Variants in ABCB7 observed in about 807,000 individuals in gnomAD.
ABCB7 encodes the protein ATP binding cassette subfamily B member 7.
In ABCB7, 7 loss-of-function variants were observed where a neutral mutation model predicts 54.4. The ratio of observed to expected loss-of-function variants is 0.13; its 90% CI spans 0.07 to 0.24. The LOEUF is 0.24. Among genes scored for constraint, ABCB7 ranks in the 10% least tolerant of loss-of-function variants. The probability of loss-of-function intolerance (pLI) is 1.00; values close to 1 mark genes in which losing one functional copy is unlikely to be tolerated. For missense variants in ABCB7, 356 were observed against 570.4 expected (o/e 0.62, Z 3.83); for synonymous variants, 218 against 207.1 (o/e 1.05, Z -0.45).
Position 75,107,085 on chromosome X carries a change from G to A in ABCB7, c.333+5801C>T, listed in dbSNP as rs1173958920. On this transcript the variant is annotated intron_variant, in intron 3 of 15. Transcript: ENST00000373394. ...AGCGGGAGAGCACCGCAACTGTGAG[G>A]TGCTGAACTCAGTGCTGTCCTGTTA... is the stretch of plus-strand genomic sequence containing the variant. Among the ~76,000 whole-genome samples the A allele has an allele frequency of 2.7e-5, 3 of 111,078 alleles. No homozygotes were observed. The Admixed American group carries it at 2.9e-4, about 11-fold the overall frequency.
chrX:75,105,960 A>G (rs2081696870), intron 3 of ABCB7, among the ~76,000 whole-genome samples: 1 of 111,620 alleles, frequency 9.0e-6, no homozygotes, highest in South Asian at 3.7e-4. Context: ...CACTGGACCC[A>G]TATCTCTCAC....
chrX:75,079,050 G>A (rs998549266), intron 4 of ABCB7, among the ~76,000 whole-genome samples: 1 of 111,554 alleles, frequency 9.0e-6, no homozygotes, highest in Non-Finnish European at 1.9e-5. Flanking sequence ...AGTGAATGAC[G>A]CCTAAAACTA....
chrX:75,147,891 G>T (rs993592386), intron 1 of ABCB7, among the ~76,000 whole-genome samples: 3 of 112,026 alleles, frequency 2.7e-5, no homozygotes, highest in African/African-American at 9.8e-5. Context: ...CGAGGTGGGC[G>T]GATCACCTGA....
chrX:75,127,716 A>C (rs1341285072), intron 1 of ABCB7, among the ~76,000 whole-genome samples: 1 of 112,380 alleles, frequency 8.9e-6, no homozygotes, highest in Middle Eastern at 4.2e-3. Flanking sequence ...GCAAAGTCAC[A>C]GGATACAAAA....
chrX:75,064,471 T>C (rs184108952), intron 13 of ABCB7, among the ~76,000 whole-genome samples: 5 of 111,192 alleles, frequency 4.5e-5, no homozygotes, highest in Middle Eastern at 4.7e-3. Context: ...AAAAAAAAAA[T>C]CAGTCATTTT....
At chrX:75,132,540 G>A (rs1018999669) in intron 1 of ABCB7, among the ~76,000 whole-genome samples, 1 of 112,467 alleles carries the variant, frequency 8.9e-6, no homozygotes, top group Non-Finnish European at 1.9e-5. Flanking sequence ...GTGGAGCACA[G>A]CTCAGGAGTG....
intron 1 of ABCB7, among the ~76,000 whole-genome samples, chrX:75,152,302 C>T (rs1319680135): frequency 9.0e-6 from 1 of 111,444 alleles, no homozygotes; most frequent in Non-Finnish European, 1.9e-5. Flanking sequence ...GTAGAGCTCT[C>T]ATAAACAGGA....
Position 75,096,350 on chromosome X carries a change from G to A in ABCB7, c.453+2592C>T, listed in dbSNP as rs141903826. ...TTTCCCAAGAATGGGTGAGATCCCC[G>A]GGAGAGTACTCAACAGAGATTACAG... is the stretch of plus-strand genomic sequence containing the variant. On this transcript the variant is annotated intron_variant, in intron 4 of 15. Coordinates refer to ENST00000373394, the MANE Select transcript of ABCB7 (RefSeq NM_001271696.3). 6.7e-3 allele frequency among the ~76,000 whole-genome samples: 754 copies of A among 111,729 alleles called. 14 individuals are homozygous for A. In the East Asian group the frequency reaches 0.11, roughly 16 times the overall value.
Position 75,070,437 on chromosome X carries a change from A to G in ABCB7, c.1293T>C (p.Tyr431=). The G allele has an allele frequency of 8.3e-7, 1 of 1,210,319 alleles. No homozygotes were observed. The highest frequency in any genetic ancestry group is 1.1e-6 in the Non-Finnish European group (1 of 894,388). ...SLPLNFLGTV[Y]RETRQALIDM... is the part of the protein sequence containing the mutation. Reference sequence around the variant, plus strand: ...CTATGAGTGCTTGTCTAGTCTCTCTATATACAGTTCCCAGAAAGTTCAGGG... The same window carrying G: ...CTATGAGTGCTTGTCTAGTCTCTCTGTATACAGTTCCCAGAAAGTTCAGGG... Residue 431 remains tyrosine (Y), a synonymous_variant, in exon 10 of 16, where the codon TAT becomes TAC. Coordinates refer to ENST00000373394, the MANE Select transcript of ABCB7 (RefSeq NM_001271696.3).
At chrX:75,079,152 C>T (rs2081434728) in intron 4 of ABCB7, among the ~76,000 whole-genome samples, 1 of 111,906 alleles carries the variant, frequency 8.9e-6, no homozygotes. Flanking sequence ...GTGTTCAGGA[C>T]GTGTGAGTGT....
chrX:75,094,024 A>G (rs1450906429), intron 4 of ABCB7, among the ~76,000 whole-genome samples: 4 of 24,790 alleles, frequency 1.6e-4, no homozygotes, highest in Non-Finnish European at 1.3e-3. Context: ...ATATACATAT[A>G]TATATATATA....
At position 75,156,122 on chromosome X, in the gene ABCB7, T is replaced by A; in HGVS notation, c.151A>T (p.Thr51Ser). 5.0e-6 allele frequency: 6 copies of A among 1,209,946 alleles called. No individual in the cohort carries two copies. Among genetic ancestry groups the A allele is most frequent in the Non-Finnish European group, 6.7e-6 (6 of 894,726 alleles). ...CATCTCACCTGGTAGGCTCGAGCGG[T>A]TCCCAAGGCGCCGAGTTGATGTGGC... Reference protein sequence around the residue: ...WRPHQLGALGTARAYQIPESL... With the variant: ...WRPHQLGALGSARAYQIPESL... The change falls in exon 1 of 16, where the codon ACC becomes TCC. Residue 51 changes from threonine (T) to serine (S), a missense_variant. Physicochemically the swap from Thr to Ser is moderately conservative, Grantham distance 58. Transcript: ENST00000373394.
intron 1 of ABCB7, among the ~76,000 whole-genome samples, chrX:75,151,557 T>C (rs1025034126): frequency 1.2e-4 from 13 of 112,018 alleles, no homozygotes; most frequent in African/African-American, 3.9e-4. Flanking sequence ...TAAAAATTCA[T>C]GTGAACATAA....
At chrX:75,084,749 C>A (rs1225161589) in intron 4 of ABCB7, among the ~76,000 whole-genome samples, 1 of 111,813 alleles carries the variant, frequency 8.9e-6, no homozygotes, top group Non-Finnish European at 1.9e-5. Flanking sequence ...GGTTTCATAT[C>A]AGAATATATA....
At chrX:75,101,514 A>C (rs2081639586) in intron 3 of ABCB7, among the ~76,000 whole-genome samples, 1 of 111,425 alleles carries the variant, frequency 9.0e-6, no homozygotes, top group African/African-American at 3.3e-5. Context: ...AAATGCTGAA[A>C]GTATAGTTCT....
intron 1 of ABCB7, among the ~76,000 whole-genome samples, chrX:75,119,027 T>C (rs1243168976): frequency 8.9e-6 from 1 of 112,405 alleles, no homozygotes; most frequent in Non-Finnish European, 1.9e-5. Flanking sequence ...TCTGCGTATT[T>C]ATATTTGTTG....
At position 75,149,741 on chromosome X, in the gene ABCB7, AGAG is replaced by A. The variant is rs528595389; in HGVS notation, c.168+6361_168+6363del. Among the ~76,000 whole-genome samples the A allele has an allele frequency of 6.7e-4, 75 of 111,639 alleles. 1 individual carries two copies. The highest frequency in any genetic ancestry group is 2.3e-3 in the African/African-American group (72 of 30,768). On this transcript the variant is annotated intron_variant, in intron 1 of 15. Coordinates refer to ENST00000373394, the MANE Select transcript of ABCB7 (RefSeq NM_001271696.3). ...GTAGGAAAAAGTGTTGTAGGAGTTCAGAGGAGGGAGAAATCAAAGTCTTATTAG... is the reference window on the plus strand; with the variant it reads ...GTAGGAAAAAGTGTTGTAGGAGTTCAGAGGGAGAAATCAAAGTCTTATTAG...
At chrX:75,139,889 T>C (rs747084569) in intron 1 of ABCB7, among the ~76,000 whole-genome samples, 11 of 111,949 alleles carry the variant, frequency 9.8e-5, no homozygotes, top group African/African-American at 1.9e-4. Context: ...CCTTAGTTTA[T>C]AGAAAATATA....
intron 4 of ABCB7, among the ~76,000 whole-genome samples, chrX:75,087,197 C>A (rs2081504722): frequency 8.9e-6 from 1 of 111,809 alleles, no homozygotes; most frequent in African/African-American, 3.3e-5. Context: ...CTTGCTTTCA[C>A]TTTGCTGTCA....
Sources: gnomAD v4.1 joint callset for allele counts (sites outside exome capture counted in the v4.1 genomes callset) on GRCh38, gnomAD v4.1.1 for gene constraint, MANE v1.5 for transcripts, NCBI Gene and HGNC (gene_info 2026-07-23, HGNC 2026-07-21) for gene names.